Variants in NDRG4 observed in about 807,000 individuals in gnomAD.
NDRG4 encodes the protein NDRG family member 4, also known as protein NDRG4.
Under a neutral mutation model 55.8 loss-of-function variants are expected in NDRG4, and 38 were observed. The ratio of observed to expected loss-of-function variants is 0.68; its 90% confidence interval spans 0.53 to 0.89. The LOEUF is 0.89. Among genes scored for constraint, NDRG4 ranks in the 40% least tolerant of loss-of-function variants. NDRG4 has a pLI of 0.00. For missense variants in NDRG4, 455 were observed against 468.6 expected (o/e 0.97, Z 0.27); for synonymous variants, 190 against 182.7 (o/e 1.04, Z -0.32).
intron 1 of NDRG4, among the ~76,000 whole-genome samples, chr16:58,481,698 T>TGAG (rs1311509212): frequency 6.6e-6 from 1 of 152,128 alleles, no homozygotes; most frequent in Non-Finnish European, 1.5e-5. Context: ...CTGGGTCCCC[T>TGAG]CCTGGGTTGG....
chr16:58,470,074 G>A (rs1476993457), intron 1 of NDRG4, among the ~76,000 whole-genome samples: 1 of 152,116 alleles, frequency 6.6e-6, no homozygotes, highest in East Asian at 1.9e-4. Context: ...CATTAACAGT[G>A]GCTTCTTCTG....
At chr16:58,465,018 T>C in intron 1 of NDRG4, 1 of 1,242,130 alleles carries the variant, frequency 8.1e-7, no homozygotes, top group Non-Finnish European at 1.0e-6. Context: ...TGCTGGAAAC[T>C]CACATCCAGG....
At chr16:58,495,073 C>T in intron 3 of NDRG4, 1 of 1,535,472 alleles carries the variant, frequency 6.5e-7, no homozygotes, top group East Asian at 2.3e-5. Context: ...CCCCACCTGG[C>T]CAGGTCCCAG....
intron 5 of NDRG4, chr16:58,506,084 T>C: frequency 1.8e-6 from 1 of 553,008 alleles, no homozygotes; most frequent in Middle Eastern, 3.0e-4. Context: ...TGTTTAATAC[T>C]CAATTTTGCA....
intron 1 of NDRG4, chr16:58,501,931 T>C (rs2037194798): frequency 2.2e-6 from 1 of 453,436 alleles, no homozygotes; most frequent in Non-Finnish European, 4.5e-6. Flanking sequence ...GGAGGATAAC[T>C]GTCCTTTATG....
intron 2 of NDRG4, among the ~76,000 whole-genome samples, chr16:58,493,402 G>A (rs1037551246): frequency 1.3e-5 from 2 of 152,208 alleles, no homozygotes; most frequent in African/African-American, 4.8e-5. Context: ...CCTAGCAGCT[G>A]GGATTACAGG....
Position 58,511,546 on chromosome 16 carries a change from G to A in NDRG4, c.1029G>A (p.Gln343=). ...THSESSEGLG[Q]VNHTMEVSC ...CAGAGAGCAGCGAGGGGCTGGGCCA[G>A]GTCAACCACACCATGGAGGTGTCCT... The change falls in exon 15 of 15, where the codon CAG becomes CAA. Residue 343 remains glutamine, a synonymous_variant. Transcript: ENST00000570248. 6.2e-7 allele frequency: 1 copy of A among 1,613,068 alleles called. No homozygotes were observed. Among genetic ancestry groups the A allele is most frequent in the South Asian group, 1.1e-5 (1 of 91,088 alleles).
At chr16:58,496,293 C>T (rs913036208), upstream of NDRG4, among the ~76,000 whole-genome samples, 15 of 152,018 alleles carry the variant, frequency 9.9e-5, no homozygotes, top group South Asian at 8.3e-4. Context: ...GCTGCAGCCC[C>T]GGAGTTGCGG....
chr16:58,478,697 G>GTTTTTTTTTTTTTTTTTTTTTTT, intron 1 of NDRG4, among the ~76,000 whole-genome samples: 1 of 137,754 alleles, frequency 7.3e-6, no homozygotes, highest in Non-Finnish European at 1.5e-5. Flanking sequence ...TTTGTTTTTT[G>GTTTTTTTTTTTTTTTTTTTTTTT]TTTTTTTTTT....
chr16:58,491,149 T>G (rs1230566163), intron 2 of NDRG4, among the ~76,000 whole-genome samples: 1 of 132,946 alleles, frequency 7.5e-6, no homozygotes, highest in Non-Finnish European at 1.6e-5. Flanking sequence ...GGTGGTGAGC[T>G]CCTATAATCC....
At chr16:58,490,906 G>T (rs8045930) in intron 2 of NDRG4, among the ~76,000 whole-genome samples, 17,710 of 152,064 alleles carry the variant, frequency 0.12, 1,358 homozygotes, top group South Asian at 0.29. Flanking sequence ...GAACCTGGGA[G>T]GTGGAGGTTG....
chr16:58,478,697 G>GTTTTTTTTTTTTTTTTTTTTTTTTTTTTT (rs59525801), intron 1 of NDRG4, among the ~76,000 whole-genome samples: 1 of 137,756 alleles, frequency 7.3e-6, no homozygotes, highest in Non-Finnish European at 1.5e-5. Flanking sequence ...TTTGTTTTTT[G>GTTTTTTTTTTTTTTTTTTTTTTTTTTTTT]TTTTTTTTTT....
downstream of NDRG4, among the ~76,000 whole-genome samples, chr16:58,514,961 AC>A (rs2039069463): frequency 6.6e-6 from 1 of 152,012 alleles, no homozygotes; most frequent in South Asian, 2.1e-4. Flanking sequence ...AGCTAATAAA[AC>A]CCACCACGTG....
intron 10 of NDRG4, 64 bp downstream of exon 10, chr16:58,508,063 GC>G: frequency 7.0e-7 from 1 of 1,418,926 alleles, no homozygotes; most frequent in Non-Finnish European, 9.5e-7. Context: ...ACTGGCCCCT[GC>G]CCAGCAGGGA....
At chr16:58,471,752 C>T (rs983201076) in intron 1 of NDRG4, among the ~76,000 whole-genome samples, 18 of 152,056 alleles carry the variant, frequency 1.2e-4, no homozygotes, top group South Asian at 4.2e-4. Flanking sequence ...CACCTGTTGG[C>T]GGGGGTGGTC....
chr16:58,507,828 A>T lies in NDRG4; in HGVS notation c.641A>T (p.Asn214Ile), dbSNP rs765549082. 48 of 1,613,730 alleles carry T rather than the reference A, an allele frequency of 3.0e-5. No homozygotes were observed. The highest frequency in any genetic ancestry group is 4.0e-5 in the Non-Finnish European group (47 of 1,179,956). Reference protein sequence around the residue: ...MYNSRRDLDINRPGTVPNAKT... With the variant: ...MYNSRRDLDIIRPGTVPNAKT... Reference sequence around the variant, plus strand: ...CACAGCCGCAGAGACCTGGACATTAACCGGCCTGGAACGGTGCCCAATGCC... The same window carrying T: ...CACAGCCGCAGAGACCTGGACATTATCCGGCCTGGAACGGTGCCCAATGCC... The change falls in exon 9 of 15, where the codon AAC becomes ATC. Residue 214 changes from asparagine to isoleucine, a missense_variant. By Grantham distance (149) the Asn-to-Ile change is moderately radical (BLOSUM62 -3). Transcript: ENST00000570248.
chr16:58,503,521 G>C (rs1361044970), intron 1 of NDRG4, among the ~76,000 whole-genome samples: 1 of 152,150 alleles, frequency 6.6e-6, no homozygotes, highest in Non-Finnish European at 1.5e-5. Flanking sequence ...CTCAAGGGCG[G>C]AGGACAGTGA....
chr16:58,496,511 C>T (rs1250464311), upstream of NDRG4, among the ~76,000 whole-genome samples: 1 of 152,042 alleles, frequency 6.6e-6, no homozygotes, highest in African/African-American at 2.4e-5. Flanking sequence ...CTCACTATGG[C>T]AGGCGTTGTC....
In NDRG4 at chr16:58,503,792, C is replaced by T. The variant is rs774901928; in HGVS notation, c.22-6C>T. On this transcript the variant is annotated splice_polypyrimidine_tract_variant and splice_region_variant and intron_variant, in intron 1 of 14. Transcript: ENST00000570248. ...CAGAGTGTCCAGCACGGTCTCTCCC[C>T]TTCAGGAACATGACATCGAGACACC... 1 of 1,613,898 alleles carries T rather than the reference C, an allele frequency of 6.2e-7. No individual in the cohort carries two copies. Among genetic ancestry groups the T allele is most frequent in the Non-Finnish European group, 8.5e-7 (1 of 1,179,982 alleles).
Sources: allele counts gnomAD v4.1 joint callset (sites outside exome capture counted in the v4.1 genomes callset), GRCh38; gene constraint gnomAD v4.1.1; transcripts MANE v1.5; gene names NCBI Gene and HGNC (gene_info 2026-07-23, HGNC 2026-07-21).